Variants in TRMT44 observed in about 807,000 individuals in gnomAD.
TRMT44 encodes the protein probable tRNA (uracil-O(2)-)-methyltransferase.
A neutral mutation model predicts 77.3 loss-of-function variants in TRMT44; 78 were observed. The observed-to-expected ratio is 1.01, with a 90% CI of 0.84 to 1.22. The LOEUF (loss-of-function observed/expected upper bound fraction) is 1.22, where lower values mean the gene tolerates loss of function less well. Ranked by LOEUF, TRMT44 falls within the 50% of genes most tolerant of loss-of-function variation. The pLI, the probability that TRMT44 is intolerant of heterozygous loss-of-function variation, is 0.00. For synonymous variants in TRMT44, 391 were observed against 383.3 expected (o/e 1.02, Z -0.23); for missense variants, 1,090 against 964.4 (o/e 1.13, Z -1.73).
the TRMT44 span, among the ~76,000 whole-genome samples, chr4:8,499,387 C>T: frequency 1.3e-5 from 2 of 152,182 alleles, no homozygotes; most frequent in Non-Finnish European, 2.9e-5. Flanking sequence ...CCTGGCCAAA[C>T]CCTTTCCAGG....
chr4:8,459,785 C>T (rs1003083961), intron 6 of TRMT44, among the ~76,000 whole-genome samples: 3 of 152,138 alleles, frequency 2.0e-5, no homozygotes, highest in Non-Finnish European at 4.4e-5. Flanking sequence ...TAGGTGCTGA[C>T]GATTTAACAG....
At chr4:8,509,740 C>G in the TRMT44 span, 3 of 152,560 alleles carry the variant, frequency 2.0e-5, no homozygotes, top group East Asian at 5.8e-4. Flanking sequence ...GGAGGAGGCC[C>G]TTGTTTGCTG....
At chr4:8,472,457 C>A (rs964134060) in intron 10 of TRMT44, among the ~76,000 whole-genome samples, 3 of 152,166 alleles carry the variant, frequency 2.0e-5, no homozygotes, top group Admixed American at 6.5e-5. Flanking sequence ...GTCCCCTGCC[C>A]ATGAAGTAGC....
chr4:8,440,785 G>T lies in TRMT44; in HGVS notation c.-38G>T. Reference sequence around the variant, plus strand: ...CCGCGCCACCGGGCTGCGTCATCTCGGCGCGCCGCTGCCAGGGCTGTACAC... The same window carrying T: ...CCGCGCCACCGGGCTGCGTCATCTCTGCGCGCCGCTGCCAGGGCTGTACAC... On this transcript the variant is annotated 5_prime_UTR_variant, in exon 1 of 11. Transcript: ENST00000389737. 1 of 1,378,580 alleles carries T rather than the reference G, an allele frequency of 7.3e-7. No individual in the cohort carries two copies. Among genetic ancestry groups the T allele is most frequent in the South Asian group, 1.7e-5 (1 of 59,808 alleles). The allele number at this position is 1,378,580 out of a possible 1,614,324, so 85.4% of individuals were successfully genotyped here.
chr4:8,496,794 C>CT (rs923033983), downstream of TRMT44, among the ~76,000 whole-genome samples: 174 of 140,616 alleles, frequency 1.2e-3, 1 homozygote, highest in South Asian at 0.011. Context: ...TTTTCTTTTT[C>CT]TTTTTTTTTT....
rs761464367 is a variant in TRMT44 at position 8,461,006 on chromosome 4, CCTGA to C, written c.1204-2976_1204-2973del. Among the ~76,000 whole-genome samples the C allele has an allele frequency of 1.3e-5, 2 of 152,078 alleles. No homozygotes were observed. The highest frequency in any genetic ancestry group is 2.9e-5 in the Non-Finnish European group (2 of 68,016). On this transcript the variant is annotated intron_variant, in intron 6 of 10. Transcript: ENST00000389737. This position sits in a 1 kb window ranked among gnomAD's most constrained non-coding sequence, Gnocchi z 4.6. Reference sequence around the variant, plus strand: ...GGGGCCGCAGGTGCACACCACCATGCCTGACTAATTTTGTGTTTGTTTTTTGTTG... The same window carrying C: ...GGGGCCGCAGGTGCACACCACCATGCCTAATTTTGTGTTTGTTTTTTGTTG...
At chr4:8,457,026 C>G (rs1039628118) in intron 6 of TRMT44, among the ~76,000 whole-genome samples, 11 of 136,946 alleles carry the variant, frequency 8.0e-5, no homozygotes, top group South Asian at 6.9e-4. Context: ...CGCCCCCCCC[C>G]CCCAACTATC....
chr4:8,483,184 C>T (rs1727681617), intron 2 of TRMT44, among the ~76,000 whole-genome samples: 1 of 152,164 alleles, frequency 6.6e-6, no homozygotes, highest in Admixed American at 6.5e-5. Context: ...CCCAGGACAT[C>T]TGATTAGAGA....
chr4:8,464,163 G>C, intron 7 of TRMT44, 72 bp downstream of exon 7: 1 of 1,260,828 alleles, frequency 7.9e-7, no homozygotes. Flanking sequence ...TGTCCAAAAG[G>C]GTAGCCACTA....
At chr4:8,463,228 C>G (rs1231630753) in intron 6 of TRMT44, among the ~76,000 whole-genome samples, 1 of 152,178 alleles carries the variant, frequency 6.6e-6, no homozygotes, top group East Asian at 1.9e-4. Context: ...GTTGTGTGGT[C>G]TCTCTTCCCC....
At chr4:8,501,626 C>T in the TRMT44 span, among the ~76,000 whole-genome samples, 5 of 152,178 alleles carry the variant, frequency 3.3e-5, no homozygotes, top group South Asian at 4.1e-4. This position sits in a 1 kb window ranked among gnomAD's most constrained non-coding sequence, Gnocchi z 4.4. Flanking sequence ...CTCCGGCAGA[C>T]GGGACATTCC....
chr4:8,481,095 C>T (rs1227058904), downstream of TRMT44, among the ~76,000 whole-genome samples: 3 of 152,154 alleles, frequency 2.0e-5, no homozygotes, highest in Non-Finnish European at 2.9e-5. Context: ...CTAAGGGCAG[C>T]GACTATTAGA....
At chr4:8,472,004 G>A (rs975664491) in intron 10 of TRMT44, among the ~76,000 whole-genome samples, 1 of 114,348 alleles carries the variant, frequency 8.7e-6, no homozygotes, top group African/African-American at 3.6e-5. Context: ...AACTTGCTTT[G>A]TGGCGCTTTT....
intron 10 of TRMT44, among the ~76,000 whole-genome samples, chr4:8,475,554 C>T (rs912737358): frequency 6.6e-6 from 1 of 152,206 alleles, no homozygotes; most frequent in Non-Finnish European, 1.5e-5. Flanking sequence ...TCCCGCAGGG[C>T]TCACCTTCCC....
chr4:8,496,707 C>CAG (rs1172112459), downstream of TRMT44, among the ~76,000 whole-genome samples: 4 of 151,986 alleles, frequency 2.6e-5, no homozygotes, highest in Admixed American at 2.0e-4. Flanking sequence ...GTGGCTCCCT[C>CAG]AGAGAGAGAG....
chr4:8,460,536 A>G (rs1726077966), intron 6 of TRMT44, among the ~76,000 whole-genome samples: 1 of 151,450 alleles, frequency 6.6e-6, no homozygotes, highest in African/African-American at 2.4e-5. Flanking sequence ...ATATTCCAAA[A>G]CTATTTTTAT....
chr4:8,514,942 G>C, the TRMT44 span, among the ~76,000 whole-genome samples: 1,736 of 152,264 alleles, frequency 0.011, 38 homozygotes, highest in African/African-American at 0.04. Context: ...CTGGGCACTT[G>C]GCGGGGCACC....
downstream of TRMT44, chr4:8,479,565 A>G (rs1037782165): frequency 6.6e-6 from 1 of 152,092 alleles, no homozygotes; most frequent in African/African-American, 2.4e-5. Flanking sequence ...TAGAAAAGGT[A>G]TAGTGAAAAT....
Position 8,461,815 on chromosome 4 carries a change from G to T in TRMT44, c.1204-2170G>T, listed in dbSNP as rs1355760742. ...TTGGAGGAGCATGGCCAGAATGAGG[G>T]TGGTTCCGTTGACGTGCACATGGTG... On this transcript the variant is annotated intron_variant, in intron 6 of 10. Coordinates refer to ENST00000389737, the MANE Select transcript of TRMT44 (RefSeq NM_152544.3). This position sits in a 1 kb window ranked among gnomAD's most constrained non-coding sequence, Gnocchi z 4.6. 6.6e-6 allele frequency among the ~76,000 whole-genome samples: 1 copy of T among 152,160 alleles called. No homozygotes were observed. Among genetic ancestry groups the T allele is most frequent in the Admixed American group, 6.5e-5 (1 of 15,276 alleles).
Sources: allele counts gnomAD v4.1 joint callset (sites outside exome capture counted in the v4.1 genomes callset), GRCh38; gene constraint gnomAD v4.1.1; non-coding constraint Gnocchi (gnomAD v3.1); transcripts MANE v1.5; gene names NCBI Gene and HGNC (gene_info 2026-07-23, HGNC 2026-07-21).